RTL9: variants seen among roughly 807,000 people sequenced by gnomAD.
RTL9 encodes the protein retrotransposon Gag-like protein 9.
In RTL9, 19 loss-of-function variants were observed where a neutral mutation model predicts 44.7. That is an observed-to-expected ratio of 0.42 (90% CI 0.30 to 0.62). The LOEUF is 0.62. RTL9 is among the 20% of genes least tolerant of loss of function. The probability of loss-of-function intolerance (pLI) is 0.16; values close to 1 mark genes in which losing one functional copy is unlikely to be tolerated. For missense variants in RTL9, 1,105 were observed against 1,080.6 expected (o/e 1.02, Z -0.32); for synonymous variants, 407 against 398.9 (o/e 1.02, Z -0.24).
intron 1 of RTL9, among the ~76,000 whole-genome samples, chrX:110,401,818 C>A (rs192792637): frequency 8.9e-6 from 1 of 112,393 alleles, no homozygotes; most frequent in East Asian, 2.8e-4. Flanking sequence ...ATCTCCTAGA[C>A]GTGTTGTGAG....
At chrX:110,446,807 G>A (rs1385006238), upstream of RTL9, among the ~76,000 whole-genome samples, 1 of 111,812 alleles carries the variant, frequency 8.9e-6, no homozygotes, top group Non-Finnish European at 1.9e-5. Context: ...AACAAGTTGT[G>A]TTCTAACATT....
chrX:110,429,468 T>G (rs1418894114), intron 1 of RTL9, among the ~76,000 whole-genome samples: 4 of 79,803 alleles, frequency 5.0e-5, no homozygotes, highest in African/African-American at 1.3e-4. Context: ...GTTTTTTTTT[T>G]TTTTTGTTTT....
chrX:110,452,488 C>T, exon 1 of RTL9: 1 of 1,211,906 alleles, frequency 8.3e-7, no homozygotes, highest in Non-Finnish European at 1.1e-6. Context: ...CCCAAAGCCT[C>T]AGGAACGATG....
intron 1 of RTL9, among the ~76,000 whole-genome samples, chrX:110,423,893 T>C (rs1459021704): frequency 1.8e-5 from 2 of 112,642 alleles, no homozygotes; most frequent in Non-Finnish European, 3.8e-5. Context: ...GAATTGTCTC[T>C]TCCTCCTTCT....
At chrX:110,443,361 T>G (rs1312636042) in intron 1 of RTL9, among the ~76,000 whole-genome samples, 1 of 111,408 alleles carries the variant, frequency 9.0e-6, no homozygotes, top group African/African-American at 3.3e-5. Context: ...TCTTTGTGGG[T>G]AGAGTCTCCC....
intron 1 of RTL9, among the ~76,000 whole-genome samples, chrX:110,429,514 T>C (rs2068781685): frequency 9.4e-6 from 1 of 106,532 alleles, no homozygotes; most frequent in South Asian, 4.3e-4. Flanking sequence ...AGAGGCTTGC[T>C]CTCTTGCCCA....
chrX:110,393,548 C>T (rs778171890), intron 1 of RTL9, among the ~76,000 whole-genome samples: 66 of 111,765 alleles, frequency 5.9e-4, no homozygotes, highest in African/African-American at 2.1e-3. Flanking sequence ...ACTCCTAAGG[C>T]CTGTGCTATT....
Position 110,410,146 on chromosome X carries a change from G to A in RTL9, c.-167-35007G>A, listed in dbSNP as rs144345852. On this transcript the variant is annotated intron_variant, in intron 1 of 2. Transcript: ENST00000520821. ...GAGTCACCGACAGGGATGATGACTC[G>A]CCTCGGGTCACAGAGCAAGTCATGG... 2.4e-3 allele frequency among the ~76,000 whole-genome samples: 272 copies of A among 111,415 alleles called. 2 individuals carry two copies. The highest frequency in any genetic ancestry group is 0.014 in the Middle Eastern group (3 of 215).
At chrX:110,366,750 C>T (rs748744819) in intron 1 of RTL9, among the ~76,000 whole-genome samples, 4 of 111,884 alleles carry the variant, frequency 3.6e-5, no homozygotes, top group Admixed American at 9.5e-5. Flanking sequence ...GCCCCAGCAG[C>T]CGAATGAGAT....
At chrX:110,452,946 C>A (rs35495390) in exon 1 of RTL9, 1 of 1,210,803 alleles carries the variant, frequency 8.3e-7, no homozygotes, top group Non-Finnish European at 1.1e-6. Flanking sequence ...AACCTCAGAC[C>A]CTGGAGAGAG....
intron 1 of RTL9, among the ~76,000 whole-genome samples, chrX:110,440,425 G>A (rs1375469667): frequency 8.9e-6 from 1 of 112,059 alleles, no homozygotes; most frequent in African/African-American, 3.2e-5. Context: ...CTGTGGGTGT[G>A]TGATCAAAGT....
exon 1 of RTL9, chrX:110,453,376 G>A: frequency 8.3e-7 from 1 of 1,211,355 alleles, no homozygotes; most frequent in Non-Finnish European, 1.1e-6. Context: ...CCCTCAGCCT[G>A]TGAGACTGTG....
At chrX:110,454,587 G>C (rs770986821) in exon 1 of RTL9, 2 of 1,211,840 alleles carry the variant, frequency 1.7e-6, no homozygotes, top group Non-Finnish European at 2.2e-6. Flanking sequence ...CTCAAGCCAG[G>C]TTCTGCCAAC....
chrX:110,390,725 C>T (rs1204467457), intron 1 of RTL9, among the ~76,000 whole-genome samples: 2 of 112,189 alleles, frequency 1.8e-5, no homozygotes, highest in African/African-American at 6.5e-5. Flanking sequence ...AACCAAGCAG[C>T]TAATTAATCC....
At chrX:110,384,059 T>C (rs747976067) in intron 1 of RTL9, among the ~76,000 whole-genome samples, 19 of 112,211 alleles carry the variant, frequency 1.7e-4, no homozygotes, top group Non-Finnish European at 3.4e-4. Flanking sequence ...ATTTCTTCTA[T>C]TGTTTTATTG....
intron 1 of RTL9, among the ~76,000 whole-genome samples, chrX:110,442,221 T>TTCTCTCTCTCTCTCTCTC (rs781098261): frequency 1.2e-4 from 9 of 72,781 alleles, no homozygotes; most frequent in African/African-American, 4.0e-4. Flanking sequence ...ATCGAAGTCT[T>TTCTCTCTCTCTCTCTCTC]TCTCTCTCTC....
chrX:110,421,505 G>A (rs1173378245), intron 1 of RTL9, among the ~76,000 whole-genome samples: 2 of 112,581 alleles, frequency 1.8e-5, no homozygotes, highest in Non-Finnish European at 3.8e-5. Context: ...TGCTTTCATT[G>A]CAATTGTCAG....
chrX:110,454,570 C>T, exon 1 of RTL9: 1 of 1,211,791 alleles, frequency 8.3e-7, no homozygotes, highest in Non-Finnish European at 1.1e-6. Flanking sequence ...AAGGATTCCC[C>T]AGGCAACTCA....
At chrX:110,443,203 G>A (rs1032944364) in intron 1 of RTL9, among the ~76,000 whole-genome samples, 6 of 111,872 alleles carry the variant, frequency 5.4e-5, no homozygotes, top group Admixed American at 9.4e-5. Context: ...CTAACTTGAA[G>A]TATTGAGGTT....
Sources: gnomAD v4.1 joint callset for allele counts (sites outside exome capture counted in the v4.1 genomes callset) on GRCh38, gnomAD v4.1.1 for gene constraint, MANE v1.5 for transcripts, NCBI Gene and HGNC (gene_info 2026-07-23, HGNC 2026-07-21) for gene names.